Variants in SPON1 observed in about 807,000 individuals in gnomAD.
SPON1 encodes spondin 1.
In SPON1, 52 loss-of-function variants were observed where a neutral mutation model predicts 111.7. That is an observed-to-expected ratio of 0.47 (90% CI 0.37 to 0.59). The LOEUF (loss-of-function observed/expected upper bound fraction) is 0.59. Ranked by LOEUF, SPON1 falls within the 20% of genes least tolerant of loss-of-function variation. SPON1 has a pLI of 0.00. For synonymous variants in SPON1, 410 were observed against 395.8 expected, an observed-to-expected ratio of 1.04 and a Z score of -0.43; for missense variants, 957 against 1,068.5, an observed-to-expected ratio of 0.90 and a Z score of 1.46.
At chr11:14,140,392 G>A (rs563727111) in intron 6 of SPON1, among the ~76,000 whole-genome samples, 1 of 152,094 alleles carries the variant, frequency 6.6e-6, no homozygotes, top group East Asian at 1.9e-4. Context: ...CATCTTCAGT[G>A]GTATTTGTTT....
chr11:14,025,528 C>T (rs1319148839), intron 2 of SPON1, among the ~76,000 whole-genome samples: 1 of 152,104 alleles, frequency 6.6e-6, no homozygotes, highest in Non-Finnish European at 1.5e-5. Flanking sequence ...CTGCCCTGGC[C>T]CCATGCCTGG....
chr11:14,008,887 C>A (rs1554913468), intron 2 of SPON1, among the ~76,000 whole-genome samples: 1 of 152,188 alleles, frequency 6.6e-6, no homozygotes, highest in Admixed American at 6.5e-5. Context: ...CAAAATTCCA[C>A]CCCCTGGCCA....
At chr11:14,140,889 G>A (rs1213638781) in intron 6 of SPON1, among the ~76,000 whole-genome samples, 1 of 152,154 alleles carries the variant, frequency 6.6e-6, no homozygotes, top group African/African-American at 2.4e-5. Flanking sequence ...GCAATTGGGA[G>A]TTCCATTTCT....
At chr11:14,195,071 G>C (rs1331291149) in intron 6 of SPON1, among the ~76,000 whole-genome samples, 1 of 152,138 alleles carries the variant, frequency 6.6e-6, no homozygotes, top group African/African-American at 2.4e-5. Context: ...CATAATGTTC[G>C]ATTTAGCACC....
chr11:14,178,496 C>T (rs893884477), intron 6 of SPON1, among the ~76,000 whole-genome samples: 14 of 151,892 alleles, frequency 9.2e-5, no homozygotes, highest in Admixed American at 2.0e-4. Flanking sequence ...CAACCAATCC[C>T]TACCCTCACT....
chr11:14,226,815 C>T (rs1474287695), intron 6 of SPON1, among the ~76,000 whole-genome samples: 3 of 152,176 alleles, frequency 2.0e-5, no homozygotes, highest in Non-Finnish European at 4.4e-5. Context: ...TCTTACAGGG[C>T]TGAAGTCAAG....
chr11:13,970,006 CA>C (rs1848050206), intron 1 of SPON1, among the ~76,000 whole-genome samples: 3 of 152,348 alleles, frequency 2.0e-5, no homozygotes, highest in African/African-American at 7.2e-5. Context: ...AATGGAGTAG[CA>C]AGTGGCCCAA....
At position 14,113,568 on chromosome 11, in the gene SPON1, ATTTT is replaced by A. The variant is rs782780924; in HGVS notation, c.677-21803_677-21800del. 1.9e-4 allele frequency among the ~76,000 whole-genome samples: 14 copies of A among 74,750 alleles called. 4 individuals are homozygous for A. The South Asian group carries it at 2.3e-3, about 12-fold the overall frequency. The allele number at this position is 74,750 out of a possible 152,430, so 49.0% of individuals were successfully genotyped here. On this transcript the variant is annotated intron_variant, in intron 5 of 15. Transcript: ENST00000576479. The stretch of plus-strand genomic sequence containing the variant: ...AAGTCACCTCCTATGTACTTTTTAA[ATTTT>A]TTTTTTTTTTTTTTTTTTTTTTTTT...
At chr11:13,987,803 T>A (rs1190284834) in intron 2 of SPON1, among the ~76,000 whole-genome samples, 1 of 152,176 alleles carries the variant, frequency 6.6e-6, no homozygotes, top group Non-Finnish European at 1.5e-5. Context: ...ATTTATTAAA[T>A]AAGCAATGGG....
At chr11:14,080,126 T>C in intron 5 of SPON1, 105 bp downstream of exon 5, 3 of 1,363,922 alleles carry the variant, frequency 2.2e-6, no homozygotes, top group Non-Finnish European at 1.0e-6. Context: ...CTCCCTAGTA[T>C]TGGCTGGTTC....
At chr11:14,262,007 A>C (rs1445015522) in intron 14 of SPON1, among the ~76,000 whole-genome samples, 1 of 152,052 alleles carries the variant, frequency 6.6e-6, no homozygotes, top group African/African-American at 2.4e-5. Flanking sequence ...GGAATAATTT[A>C]CCTCCCTGGG....
intron 2 of SPON1, among the ~76,000 whole-genome samples, chr11:13,991,187 C>T (rs1420450610): frequency 6.6e-6 from 1 of 152,208 alleles, no homozygotes; most frequent in East Asian, 1.9e-4. Context: ...TGGTTCCATT[C>T]TCCCCGTCAC....
chr11:14,138,958 G>A (rs11023100), intron 6 of SPON1, among the ~76,000 whole-genome samples: 58,739 of 151,772 alleles, frequency 0.39, 11,623 homozygotes, highest in East Asian at 0.54. Flanking sequence ...CTAGCCTCCT[G>A]ATGCCCCTGC....
At chr11:14,247,064 G>A (rs570749552) in intron 7 of SPON1, among the ~76,000 whole-genome samples, 4 of 152,236 alleles carry the variant, frequency 2.6e-5, no homozygotes, top group Non-Finnish European at 5.9e-5. Context: ...TTTGGTGTGG[G>A]GCCAAGCCAT....
At chr11:14,023,657 G>A (rs1441386445) in intron 2 of SPON1, among the ~76,000 whole-genome samples, 5 of 152,152 alleles carry the variant, frequency 3.3e-5, no homozygotes, top group African/African-American at 4.8e-5. Flanking sequence ...GAACACTTGC[G>A]AAAGGAAGAA....
At chr11:14,232,267 T>G (rs1123876) in intron 6 of SPON1, among the ~76,000 whole-genome samples, 51,662 of 151,796 alleles carry the variant, frequency 0.34, 9,023 homozygotes, top group East Asian at 0.52. Flanking sequence ...GGACACACTG[T>G]GTAGCTGTTA....
intron 5 of SPON1, among the ~76,000 whole-genome samples, chr11:14,112,162 A>C (rs1849231522): frequency 6.6e-6 from 1 of 152,126 alleles, no homozygotes; most frequent in Non-Finnish European, 1.5e-5. Context: ...CCTTACATTG[A>C]CCAAGGTCTT....
Position 14,059,295 on chromosome 11 carries a change from G to A in SPON1, c.480-16050G>A, listed in dbSNP as rs184356107. On this transcript the variant is annotated intron_variant, in intron 3 of 15. Transcript: ENST00000576479. ...GTCCAAAGGGCCCTCAGGGGGAAAG[G>A]CTGTGCCCAGCAAGAAACTGGGCAC... Among the ~76,000 whole-genome samples, 4 of 152,270 alleles carry A rather than the reference G, an allele frequency of 2.6e-5. No homozygotes were observed. The East Asian group carries it at 5.8e-4, about 22-fold the overall frequency.
chr11:14,212,424 G>A (rs1848586450), intron 6 of SPON1, among the ~76,000 whole-genome samples: 1 of 152,106 alleles, frequency 6.6e-6, no homozygotes, highest in Non-Finnish European at 1.5e-5. Flanking sequence ...TCATCCATTT[G>A]TTCAGGTTTT....
Sources: gnomAD v4.1 joint callset for allele counts (sites outside exome capture counted in the v4.1 genomes callset) on GRCh38, gnomAD v4.1.1 for gene constraint, MANE v1.5 for transcripts, NCBI Gene and HGNC (gene_info 2026-07-23, HGNC 2026-07-21) for gene names.